The following FAM131C variants were observed in gnomAD, a reference collection of about 807,000 sequenced individuals.
The protein encoded by FAM131C is family with sequence similarity 131 member C, also known as protein FAM131C.
A neutral mutation model predicts 29.8 loss-of-function variants in FAM131C; 14 were observed. That is an observed-to-expected ratio of 0.47 (90% CI 0.31 to 0.73). The LOEUF (loss-of-function observed/expected upper bound fraction) is 0.73. Ranked by LOEUF, FAM131C falls within the 30% of genes least tolerant of loss-of-function variation. The pLI, the probability that FAM131C is intolerant of heterozygous loss-of-function variation, is 0.05. For missense variants in FAM131C, 252 were observed against 383.8 expected (o/e 0.66, Z 2.87); for synonymous variants, 86 against 157.8 (o/e 0.54, Z 3.41).
rs192697138 is a variant in FAM131C, at chr1:16,072,102, T to A, written c.22+1319A>T. Reference sequence around the variant, plus strand: ...TAGGCTGCAGGCCTCCCGTACCAGGTGCTGTGCTGGGTTCCTTGCTGCTGG... The same window carrying A: ...TAGGCTGCAGGCCTCCCGTACCAGGAGCTGTGCTGGGTTCCTTGCTGCTGG... On this transcript the variant is annotated intron_variant, in intron 1 of 6. Coordinates refer to ENST00000375662, the MANE Select transcript of FAM131C (RefSeq NM_182623.3). Among the ~76,000 whole-genome samples the A allele has an allele frequency of 2.2e-3, 335 of 152,310 alleles. 3 individuals carry two copies. The highest frequency in any genetic ancestry group is 7.7e-3 in the African/African-American group (322 of 41,564).
At chr1:16,062,350 C>T (rs1327611470) in intron 3 of FAM131C, 149 bp downstream of exon 3, 68 of 1,397,226 alleles carry the variant, frequency 4.9e-5, no homozygotes, top group South Asian at 2.2e-4. Context: ...CTAACTCCCA[C>T]GGGACAACCC....
chr1:16,060,874 G>A (rs1315182200), intron 4 of FAM131C, among the ~76,000 whole-genome samples: 1 of 152,098 alleles, frequency 6.6e-6, no homozygotes, highest in Admixed American at 6.5e-5. Flanking sequence ...AGCTGTTTAG[G>A]AAGAGCAACC....
intron 1 of FAM131C, among the ~76,000 whole-genome samples, chr1:16,066,977 T>C (rs2023690695): frequency 6.6e-6 from 1 of 152,192 alleles, no homozygotes; most frequent in Admixed American, 6.5e-5. Flanking sequence ...GAAGCTTTTT[T>C]ACAACTCTCC....
intron 1 of FAM131C, among the ~76,000 whole-genome samples, chr1:16,068,048 C>T (rs966170313): frequency 6.6e-6 from 1 of 152,218 alleles, no homozygotes; most frequent in African/African-American, 2.4e-5. Flanking sequence ...CAAAGCGTCC[C>T]CTCATGCTCC....
In FAM131C at chr1:16,062,389, C is replaced by CG. The variant is rs1017008205; in HGVS notation, c.174+109_174+110insC. On this transcript the variant is annotated intron_variant, in intron 3 of 6. Transcript: ENST00000375662. The stretch of plus-strand genomic sequence containing the variant: ...CCCACTGTTTCATCAGGCCCCCCCC[C>CG]CCCCCGCCCCAGGGCCAGCAGGACT... The CG allele has an allele frequency of 6.4e-6, 8 of 1,243,014 alleles. No homozygotes were observed. The East Asian group carries it at 1.0e-4, about 16-fold the overall frequency. 77.0% of individuals were successfully genotyped at this position (1,243,014 alleles called of 1,614,324 possible).
intron 1 of FAM131C, among the ~76,000 whole-genome samples, chr1:16,065,309 T>C (rs2023667803): frequency 6.6e-6 from 1 of 152,160 alleles, no homozygotes; most frequent in Admixed American, 6.5e-5. Flanking sequence ...GCAAATCCTG[T>C]TAGCCCTCTC....
At chr1:16,069,733 A>T (rs1274531008) in intron 1 of FAM131C, among the ~76,000 whole-genome samples, 1 of 152,182 alleles carries the variant, frequency 6.6e-6, no homozygotes, top group East Asian at 1.9e-4. Context: ...GTGTTCCAAG[A>T]GGTTGTTTTT....
chr1:16,072,247 G>A (rs943147459), intron 1 of FAM131C, among the ~76,000 whole-genome samples: 9 of 152,156 alleles, frequency 5.9e-5, no homozygotes, highest in African/African-American at 1.7e-4. Context: ...TTCCCCAGCC[G>A]GGATTCCACC....
Position 16,070,402 on chromosome 1 carries a change from G to A in FAM131C, c.22+3019C>T, listed in dbSNP as rs187818557. Among the ~76,000 whole-genome samples the A allele has an allele frequency of 1.8e-3, 279 of 152,066 alleles. 5 individuals are homozygous for A. Among genetic ancestry groups the A allele is most frequent in the Middle Eastern group, 3.4e-3 (1 of 294 alleles). ...TCAGCACCTCGAGTGCCTGCCACCC[G>A]CTGCCTTTCCCATGAGGCAGGATGT... is the stretch of plus-strand genomic sequence containing the variant. On this transcript the variant is annotated intron_variant, in intron 1 of 6. Coordinates refer to ENST00000375662, the MANE Select transcript of FAM131C (RefSeq NM_182623.3).
rs1213202544 is a variant in FAM131C, at chr1:16,058,509, G to C, written c.771C>G (p.Thr257=). The C allele has an allele frequency of 2.9e-5, 44 of 1,514,104 alleles. No homozygotes were observed. The highest frequency in any genetic ancestry group is 1.7e-5 in the Non-Finnish European group (19 of 1,132,668). The allele number at this position is 1,514,104 out of a possible 1,614,324, so 93.8% of individuals were successfully genotyped here. ...TGGAGGGGAGGGAGCCCGGGGGGTG[G>C]GTCCCACCCTCGGGTCCTTGGGCCC... ...LPGAQGPEGG[T]HPPGSLPSMD... Residue 257 remains threonine, a synonymous_variant, in exon 7 of 7, where the codon ACC becomes ACG. Transcript: ENST00000375662.
rs1310304729 is a variant in FAM131C, at chr1:16,063,736, T to A, written c.23-100A>T. The A allele has an allele frequency of 1.4e-5, 10 of 713,962 alleles. No homozygotes were observed. In the Admixed American group the frequency reaches 3.1e-4, roughly 22 times the overall value. The allele number at this position is 713,962 out of a possible 1,614,324, so 44.2% of individuals were successfully genotyped here. A position where few individuals can be genotyped will look rare whatever the true frequency, so the allele number is the denominator to read the frequency against. On this transcript the variant is annotated intron_variant, in intron 1 of 6. Transcript: ENST00000375662. Reference sequence around the variant, plus strand: ...CCCGTAAGGTGAGTATGGCCTTGTTTTTATCCAACAACATCGTAGAGAAAG... The same window carrying A: ...CCCGTAAGGTGAGTATGGCCTTGTTATTATCCAACAACATCGTAGAGAAAG...
intron 4 of FAM131C, among the ~76,000 whole-genome samples, 155 bp downstream of exon 4, chr1:16,061,944 G>A (rs566157463): frequency 1.7e-3 from 258 of 151,140 alleles, no homozygotes; most frequent in African/African-American, 6.0e-3. Flanking sequence ...CCCGTGACCC[G>A]CATAACCCAG....
chr1:16,063,481 C>T (rs773702204), intron 2 of FAM131C, 40 bp downstream of exon 2: 142 of 1,497,158 alleles, frequency 9.5e-5, no homozygotes, highest in Non-Finnish European at 1.3e-4. Context: ...GGCCGGGAAC[C>T]GGGGCGCAGG....
intron 1 of FAM131C, among the ~76,000 whole-genome samples, chr1:16,064,720 C>T (rs1178943970): frequency 6.6e-6 from 1 of 152,246 alleles, no homozygotes; most frequent in Non-Finnish European, 1.5e-5. Context: ...CTGCTCCCTT[C>T]TCGCTGGACG....
intron 1 of FAM131C, among the ~76,000 whole-genome samples, chr1:16,071,758 G>T (rs2023752463): frequency 6.6e-6 from 1 of 152,172 alleles, no homozygotes; most frequent in South Asian, 2.1e-4. Flanking sequence ...GGCGGTGGAG[G>T]GAGCCCCAGG....
chr1:16,070,836 G>A (rs1158627817), intron 1 of FAM131C, among the ~76,000 whole-genome samples: 6 of 152,230 alleles, frequency 3.9e-5, no homozygotes, highest in Non-Finnish European at 7.3e-5. Flanking sequence ...CAAGTCACTT[G>A]CTGAGGTCAC....
At position 16,060,033 on chromosome 1, in the gene FAM131C, T is replaced by C. The variant is rs201398416; in HGVS notation, c.287A>G (p.Lys96Arg). 1.7e-5 allele frequency: 25 copies of C among 1,480,796 alleles called. No homozygotes were observed. The African/African-American group carries it at 1.8e-4, about 11-fold the overall frequency. The allele number at this position is 1,480,796 out of a possible 1,614,324, so 91.7% of individuals were successfully genotyped here. A position where few individuals can be genotyped will look rare whatever the true frequency, so the allele number is the denominator to read the frequency against. ...SSLVGVVQSI[K>R]DHITKPTAMA... ...GGCCGTGGGCTTTGTGATGTGGTCC[T>C]TGATGCTCTGCACCACCCCTGGGGC... Residue 96 changes from lysine to arginine, a missense_variant, in exon 5 of 7, where the codon AAG becomes AGG. This residue lies in a region of FAM131C where 52 missense variants were observed against 105.9 expected (regional missense o/e 0.49). Coordinates refer to ENST00000375662, the MANE Select transcript of FAM131C (RefSeq NM_182623.3).
chr1:16,066,115 G>C (rs1275211419), intron 1 of FAM131C, among the ~76,000 whole-genome samples: 1 of 152,116 alleles, frequency 6.6e-6, no homozygotes, highest in African/African-American at 2.4e-5. Flanking sequence ...TCAAACACCT[G>C]ACCTCAGGCG....
At position 16,062,596 on chromosome 1, in the gene FAM131C, G is replaced by A. The variant is rs569201512; in HGVS notation, c.139-62C>T. ...GGCACGCTGTGCCAGCAGATGGCCC[G>A]AGTCCTGGGGCCCTGGGTGGGGGTG... On this transcript the variant is annotated intron_variant, in intron 2 of 6. Transcript: ENST00000375662. 5.2e-6 allele frequency: 8 copies of A among 1,526,700 alleles called. No homozygotes were observed. The East Asian group carries it at 7.3e-5, about 14-fold the overall frequency. 94.6% of individuals were successfully genotyped at this position (1,526,700 alleles called of 1,614,324 possible).
Sources: gnomAD v4.1 joint callset for allele counts (sites outside exome capture counted in the v4.1 genomes callset) on GRCh38, gnomAD v4.1.1 for gene constraint, gnomAD v4.1.1 regional missense constraint, MANE v1.5 for transcripts, NCBI Gene and HGNC (gene_info 2026-07-23, HGNC 2026-07-21) for gene names.